The following HDAC4 variants were observed in gnomAD, a reference collection of about 807,000 sequenced individuals.
The protein encoded by HDAC4 is histone deacetylase 4, also known as histone deacetylase A.
In HDAC4, 16 loss-of-function variants were observed where a neutral mutation model predicts 135.1. The observed-to-expected ratio is 0.12, with a 90% confidence interval of 0.08 to 0.18. The LOEUF is 0.18. Ranked by LOEUF, HDAC4 falls within the 10% of genes least tolerant of loss-of-function variation. The probability of loss-of-function intolerance (pLI) is 1.00; values close to 1 mark genes in which losing one functional copy is unlikely to be tolerated. For synonymous variants in HDAC4, 685 were observed against 653.4 expected, an observed-to-expected ratio of 1.05 and a Z score of -0.74; for missense variants, 1,143 against 1,511.8, an observed-to-expected ratio of 0.76 and a Z score of 4.05.
At chr2:239,163,397 A>C (rs1368803728) in intron 6 of HDAC4, among the ~76,000 whole-genome samples, 1 of 152,138 alleles carries the variant, frequency 6.6e-6, no homozygotes, top group African/African-American at 2.4e-5. Context: ...GTCCCTCTGC[A>C]GGGGGGCCCA....
rs1399588811 is a variant in HDAC4 at position 239,400,272 on chromosome 2, G to A, written c.-220+706C>T. 3 of 150,990 alleles carry A rather than the reference G, an allele frequency of 2.0e-5. No homozygotes were observed. The highest frequency in any genetic ancestry group is 3.0e-5 in the Non-Finnish European group (2 of 67,642). 9.4% of individuals were successfully genotyped at this position (150,990 alleles called of 1,614,324 possible). A position where few individuals can be genotyped will look rare whatever the true frequency, so the allele number is the denominator to read the frequency against. On this transcript the variant is annotated intron_variant, in intron 1 of 26. Transcript: ENST00000543185. This position sits in a 1 kb window ranked among gnomAD's most constrained non-coding sequence, Gnocchi z 4.7. ...GGGGCCGCGGACCCCCGGCAGGGACGTTTTTCTGCAAACTCACAGCATTTG... is the reference window on the plus strand; with the variant it reads ...GGGGCCGCGGACCCCCGGCAGGGACATTTTTCTGCAAACTCACAGCATTTG...
intron 17 of HDAC4, among the ~76,000 whole-genome samples, chr2:239,092,468 C>G (rs1416371319): frequency 6.6e-6 from 1 of 152,184 alleles, no homozygotes; most frequent in East Asian, 1.9e-4. Flanking sequence ...GGAGGGTGTA[C>G]TACACCCGTG....
At chr2:239,173,032 T>C (rs1466905117) in intron 5 of HDAC4, among the ~76,000 whole-genome samples, 3 of 152,288 alleles carry the variant, frequency 2.0e-5, no homozygotes, top group South Asian at 4.1e-4. Flanking sequence ...ACAAATGAAA[T>C]CTTAGGGTTA....
chr2:239,273,293 A>C (rs2050155109), intron 2 of HDAC4, among the ~76,000 whole-genome samples: 1 of 152,162 alleles, frequency 6.6e-6, no homozygotes, highest in South Asian at 2.1e-4. Context: ...AACAGCAGCA[A>C]AGGCCTAAAA....
chr2:239,112,366 G>C (rs2038755114), intron 13 of HDAC4, among the ~76,000 whole-genome samples: 1 of 152,218 alleles, frequency 6.6e-6, no homozygotes, highest in South Asian at 2.1e-4. Context: ...TCTCAGACTT[G>C]AAAGTGCCAA....
chr2:239,264,074 G>T (rs963923721), intron 2 of HDAC4, among the ~76,000 whole-genome samples: 1 of 152,144 alleles, frequency 6.6e-6, no homozygotes, highest in African/African-American at 2.4e-5. Flanking sequence ...GGAAGACACA[G>T]CCCTGGAAAG....
chr2:239,131,604 C>A (rs928700322), intron 11 of HDAC4, among the ~76,000 whole-genome samples: 1 of 152,018 alleles, frequency 6.6e-6, no homozygotes, highest in Non-Finnish European at 1.5e-5. Flanking sequence ...GGGCTGGCTG[C>A]GGTCTGGTCC....
At chr2:239,377,499 T>C (rs1032345314) in intron 1 of HDAC4, among the ~76,000 whole-genome samples, 1 of 151,844 alleles carries the variant, frequency 6.6e-6, no homozygotes, top group Non-Finnish European at 1.5e-5. Flanking sequence ...CCCTGTCTTC[T>C]ATGCAGATCT....
chr2:239,383,892 C>T (rs2126069318), intron 1 of HDAC4, among the ~76,000 whole-genome samples: 1 of 152,224 alleles, frequency 6.6e-6, no homozygotes, highest in East Asian at 1.9e-4. Flanking sequence ...AGCATCAGCC[C>T]CGCCAACAAG....
chr2:239,063,036 G>A (rs62189529), intron 24 of HDAC4, among the ~76,000 whole-genome samples: 17,524 of 152,024 alleles, frequency 0.12, 1,297 homozygotes, highest in Non-Finnish European at 0.17. Context: ...GCCTGCTGTC[G>A]CTCCTCCGGC....
At chr2:239,207,947 T>C (rs971187632) in intron 3 of HDAC4, among the ~76,000 whole-genome samples, 1 of 152,082 alleles carries the variant, frequency 6.6e-6, no homozygotes, top group African/African-American at 2.4e-5. Flanking sequence ...CACAAAAATC[T>C]CAAATAAACT....
At chr2:239,386,090 T>C (rs1411227893) in intron 1 of HDAC4, among the ~76,000 whole-genome samples, 1 of 151,434 alleles carries the variant, frequency 6.6e-6, no homozygotes, top group South Asian at 2.1e-4. Context: ...CGTTTTACTC[T>C]AGACAATGAT....
At chr2:239,243,227 A>G (rs187902483) in intron 2 of HDAC4, among the ~76,000 whole-genome samples, 1 of 149,528 alleles carries the variant, frequency 6.7e-6, no homozygotes, top group African/African-American at 2.5e-5. Context: ...ATCTCAGCTC[A>G]CTGCAAGCTC....
Position 239,051,225 on chromosome 2 carries a change from A to G in HDAC4, c.*1872T>C, listed in dbSNP as rs2030797905. The G allele has an allele frequency of 6.6e-6, 1 of 152,386 alleles. No homozygotes were observed. Among genetic ancestry groups the G allele is most frequent in the African/African-American group, 2.4e-5 (1 of 41,410 alleles). 9.4% of individuals were successfully genotyped at this position (152,386 alleles called of 1,614,324 possible). ...GTAATACTACTAGTGTTGAAAGTTA[A>G]AAAGAGCCCCTGGGCTTCTTTATAC... is the stretch of plus-strand genomic sequence containing the variant. On this transcript the variant is annotated 3_prime_UTR_variant, in exon 27 of 27. Coordinates refer to ENST00000543185, the MANE Select transcript of HDAC4 (RefSeq NM_001378414.1).
Position 239,115,166 on chromosome 2 carries a change from C to T in HDAC4, c.1678G>A (p.Gly560Ser), listed in dbSNP as rs199936119. Residue 560 changes from glycine to serine, a missense_variant, in exon 13 of 27, where the codon GGC becomes AGC. This residue lies in a region of HDAC4 where 196 missense variants were observed against 210.7 expected (regional missense o/e 0.93). Coordinates refer to ENST00000543185, the MANE Select transcript of HDAC4 (RefSeq NM_001378414.1). This position sits in a 1 kb window ranked among gnomAD's most constrained non-coding sequence, Gnocchi z 6.3. ...ATGGGCTCCTGCTTCACCTGCACGC[C>T]GGCCTGTGCGTGCGCCTCCTTCTGC... ...PGQKEAHAQA[G>S]VQVKQEPIES... is the part of the protein sequence containing the mutation. The T allele has an allele frequency of 9.5e-5, 153 of 1,611,062 alleles. No homozygotes were observed. Among genetic ancestry groups the T allele is most frequent in the Middle Eastern group, 8.2e-4 (5 of 6,084 alleles).
intron 14 of HDAC4, among the ~76,000 whole-genome samples, chr2:239,111,110 C>T (rs1006037416): frequency 2.0e-5 from 3 of 152,270 alleles, no homozygotes; most frequent in African/African-American, 7.2e-5. Flanking sequence ...GCCAGCCATT[C>T]ACAGCCCTGT....
chr2:239,236,836 T>C (rs199605930), intron 2 of HDAC4, among the ~76,000 whole-genome samples, 172 bp from the exon 3 acceptor site: 5 of 81,062 alleles, frequency 6.2e-5, no homozygotes, highest in South Asian at 5.9e-4. Context: ...TTTGCCAATG[T>C]AGAATAATCA....
intron 2 of HDAC4, among the ~76,000 whole-genome samples, chr2:239,271,676 G>A (rs2050067525): frequency 6.6e-6 from 1 of 152,232 alleles, no homozygotes. Flanking sequence ...GGCCGGCACA[G>A]CTGCTGAGTG....
At chr2:239,065,583 C>T (rs1365862386) in intron 24 of HDAC4, among the ~76,000 whole-genome samples, 1 of 152,214 alleles carries the variant, frequency 6.6e-6, no homozygotes, top group Non-Finnish European at 1.5e-5. Context: ...AGTGCCCTGT[C>T]ACCCCGACTC....
Sources: gnomAD v4.1 joint callset for allele counts (sites outside exome capture counted in the v4.1 genomes callset) on GRCh38, gnomAD v4.1.1 for gene constraint, gnomAD v4.1.1 regional missense constraint, Gnocchi (gnomAD v3.1) non-coding constraint, MANE v1.5 for transcripts, NCBI Gene and HGNC (gene_info 2026-07-23, HGNC 2026-07-21) for gene names.